NBEAL1: variants seen among roughly 807,000 people sequenced by gnomAD.
NBEAL1 encodes neurobeachin like 1, also known as neurobeachin-like protein 1.
NBEAL1 carries 273 observed loss-of-function variants against 351.3 expected under a neutral mutation model. That is an observed-to-expected ratio of 0.78 (90% CI 0.70 to 0.86). The LOEUF (loss-of-function observed/expected upper bound fraction) is 0.86. NBEAL1 is among the 40% of genes least tolerant of loss of function. NBEAL1 has a pLI of 0.00. For synonymous variants in NBEAL1, 1,050 were observed against 1,086.4 expected (o/e 0.97, Z 0.66); for missense variants, 2,961 against 3,201.3 (o/e 0.92, Z 1.81).
intron 7 of NBEAL1, among the ~76,000 whole-genome samples, chr2:203,072,895 G>A (rs529389019): frequency 6.6e-6 from 1 of 152,148 alleles, no homozygotes; most frequent in South Asian, 2.1e-4. Context: ...GCTTGGGCTG[G>A]TATAACAAAA....
intron 44 of NBEAL1, among the ~76,000 whole-genome samples, chr2:203,185,267 T>A (rs894481364): frequency 1.3e-5 from 2 of 152,196 alleles, no homozygotes; most frequent in African/African-American, 4.8e-5. Context: ...GGTTTTGGCA[T>A]TCCATTTTTA....
intron 2 of NBEAL1, chr2:203,039,967 G>T: frequency 2.0e-6 from 1 of 501,844 alleles, no homozygotes; most frequent in East Asian, 3.3e-5. Flanking sequence ...CCATGGTGGA[G>T]GGAACATGAT....
chr2:203,124,957 A>G (rs2062905525), intron 19 of NBEAL1, among the ~76,000 whole-genome samples: 1 of 152,232 alleles, frequency 6.6e-6, no homozygotes. Flanking sequence ...GGAGTCAGTC[A>G]TATTTCTACC....
At chr2:203,114,871 C>T (rs1364045295) in intron 17 of NBEAL1, among the ~76,000 whole-genome samples, 1 of 150,278 alleles carries the variant, frequency 6.7e-6, no homozygotes, top group African/African-American at 2.4e-5. Context: ...TGTGCTTCAG[C>T]CTCCCAAGTA....
At chr2:203,131,299 T>C (rs2063066794) in intron 25 of NBEAL1, among the ~76,000 whole-genome samples, 1 of 152,208 alleles carries the variant, frequency 6.6e-6, no homozygotes, top group African/African-American at 2.4e-5. Flanking sequence ...GACTGCAACC[T>C]CTGGCTCCCA....
At chr2:203,096,091 C>T (rs1243061861) in intron 10 of NBEAL1, among the ~76,000 whole-genome samples, 1 of 152,136 alleles carries the variant, frequency 6.6e-6, no homozygotes, top group East Asian at 1.9e-4. Flanking sequence ...TGTTATGTGC[C>T]AGATACTATG....
rs976355410 is a variant in NBEAL1 at position 203,127,891 on chromosome 2, T to C, written c.3359T>C (p.Ile1120Thr). The change falls in exon 24 of 56, where the codon ATA (isoleucine) becomes ACA (threonine). Residue 1120 changes from isoleucine (I) to threonine (T), a missense_variant. By Grantham distance (89) the Ile-to-Thr change is moderately conservative (BLOSUM62 -1). Coordinates refer to ENST00000683969, the MANE Select transcript of NBEAL1 (RefSeq NM_001378026.1). The stretch of plus-strand genomic sequence containing the variant: ...TGCAAAGGTGGATCTCATGAAGAGA[T>C]ACAAAGTATTATGGGGTACATAGCT... Reference protein sequence around the residue: ...FLCKGGSHEEIQSIMGYIAAT... With the variant: ...FLCKGGSHEETQSIMGYIAAT... The C allele has an allele frequency of 7.7e-6, 12 of 1,552,472 alleles. No individual in the cohort carries two copies. The highest frequency in any genetic ancestry group is 1.0e-5 in the Non-Finnish European group (12 of 1,146,292).
intron 3 of NBEAL1, among the ~76,000 whole-genome samples, chr2:203,048,330 T>C (rs13406205): frequency 0.9 from 134,136 of 148,956 alleles, 60,909 homozygotes; most frequent in Non-Finnish European, 0.96. Context: ...TGCAGTGAGC[T>C]GAGATCGCGC....
chr2:203,200,070 A>AT (rs891393972), intron 49 of NBEAL1, among the ~76,000 whole-genome samples: 8 of 152,086 alleles, frequency 5.3e-5, no homozygotes, highest in Middle Eastern at 3.2e-3. Context: ...GTTTGCTTAT[A>AT]TTTTTTTCTA....
chr2:203,186,153 T>G (rs1223475944), intron 44 of NBEAL1, among the ~76,000 whole-genome samples: 1 of 152,230 alleles, frequency 6.6e-6, no homozygotes, highest in Non-Finnish European at 1.5e-5. Flanking sequence ...CAAAAACAAA[T>G]GGATGTGGCT....
intron 45 of NBEAL1, among the ~76,000 whole-genome samples, 154 bp from the exon 46 acceptor site, chr2:203,190,135 CAAA>C (rs879218352): frequency 7.8e-5 from 9 of 114,910 alleles, no homozygotes; most frequent in Middle Eastern, 0.011. Context: ...GACTCTGTCT[CAAA>C]AAAAAAAAAA....
chr2:203,045,679 T>TA (rs1166368333), intron 3 of NBEAL1, among the ~76,000 whole-genome samples: 1 of 152,236 alleles, frequency 6.6e-6, no homozygotes, highest in Non-Finnish European at 1.5e-5. Flanking sequence ...TGTGACTACT[T>TA]ATGTGCTTCA....
intron 38 of NBEAL1, among the ~76,000 whole-genome samples, chr2:203,168,699 G>A (rs963329267): frequency 2.6e-5 from 4 of 151,960 alleles, no homozygotes; most frequent in Non-Finnish European, 5.9e-5. Context: ...TTTGAGACCA[G>A]CCTGCCCAAC....
intron 44 of NBEAL1, among the ~76,000 whole-genome samples, chr2:203,184,616 T>C (rs1324989407): frequency 6.6e-6 from 1 of 152,006 alleles, no homozygotes; most frequent in African/African-American, 2.4e-5. Flanking sequence ...TGGAGGACTC[T>C]GAAAATAATT....
intron 8 of NBEAL1, among the ~76,000 whole-genome samples, chr2:203,082,896 G>A (rs1001262616): frequency 5.3e-5 from 8 of 152,196 alleles, no homozygotes; most frequent in African/African-American, 1.9e-4. Flanking sequence ...AGGAAAAGGT[G>A]AAAGGCCCAA....
intron 10 of NBEAL1, among the ~76,000 whole-genome samples, chr2:203,087,507 G>A (rs1358189040): frequency 6.6e-6 from 1 of 152,152 alleles, no homozygotes; most frequent in African/African-American, 2.4e-5. Context: ...ATATTCTAGT[G>A]ATTTTTAAAT....
At position 203,184,810 on chromosome 2, in the gene NBEAL1, C is replaced by G. The variant is rs181111868; in HGVS notation, c.6705+1422C>G. On this transcript the variant is annotated intron_variant, in intron 44 of 55. Transcript: ENST00000683969. Reference sequence around the variant, plus strand: ...GTGTGGGTGGTGTGTACCGGTAGTCCCAGCTACTTGGGAGGCTGAAGTGAG... The same window carrying G: ...GTGTGGGTGGTGTGTACCGGTAGTCGCAGCTACTTGGGAGGCTGAAGTGAG... Among the ~76,000 whole-genome samples the G allele has an allele frequency of 1.3e-3, 199 of 151,156 alleles. 1 individual carries two copies. The highest frequency in any genetic ancestry group is 4.7e-3 in the African/African-American group (195 of 41,192).
In NBEAL1 at chr2:203,221,688, A is replaced by G. The variant is rs2105868274; in HGVS notation, c.*4334A>G. 6.6e-6 allele frequency among the ~76,000 whole-genome samples: 1 copy of G among 152,262 alleles called. No individual in the cohort carries two copies. Among genetic ancestry groups the G allele is most frequent in the South Asian group, 2.1e-4 (1 of 4,822 alleles). ...CACTCTTTAACAAAATCCATTCTCAATATTCTTTTTGCTGAATTCGTATAT... is the reference window on the plus strand; with the variant it reads ...CACTCTTTAACAAAATCCATTCTCAGTATTCTTTTTGCTGAATTCGTATAT... On this transcript the variant is annotated 3_prime_UTR_variant, in exon 56 of 56. Coordinates refer to ENST00000683969, the MANE Select transcript of NBEAL1 (RefSeq NM_001378026.1).
intron 55 of NBEAL1, among the ~76,000 whole-genome samples, chr2:203,214,145 T>C (rs540781216): frequency 6.6e-5 from 10 of 152,370 alleles, no homozygotes; most frequent in South Asian, 2.1e-4. Context: ...TTATCAATTA[T>C]TGAATATTCA....
Sources: allele counts gnomAD v4.1 joint callset (sites outside exome capture counted in the v4.1 genomes callset), GRCh38; gene constraint gnomAD v4.1.1; transcripts MANE v1.5; gene names NCBI Gene and HGNC (gene_info 2026-07-23, HGNC 2026-07-21).